Variants in SCAPER observed in about 807,000 individuals in gnomAD.
SCAPER encodes S phase cyclin A-associated protein in the endoplasmic reticulum.
Under a neutral mutation model 182.2 loss-of-function variants are expected in SCAPER, and 98 were observed. The ratio of observed to expected loss-of-function variants is 0.54; its 90% CI spans 0.46 to 0.64. The LOEUF (loss-of-function observed/expected upper bound fraction) is 0.64. Among genes scored for constraint, SCAPER ranks in the 30% least tolerant of loss-of-function variants. The probability of loss-of-function intolerance (pLI) is 0.00; values close to 1 mark genes in which losing one functional copy is unlikely to be tolerated. For synonymous variants in SCAPER, 605 were observed against 564.6 expected, an observed-to-expected ratio of 1.07 and a Z score of -1.01; for missense variants, 1,432 against 1,690.0, an observed-to-expected ratio of 0.85 and a Z score of 2.68.
chr15:76,528,016 TC>T (rs1176896242), intron 23 of SCAPER, among the ~76,000 whole-genome samples: 25 of 152,204 alleles, frequency 1.6e-4, no homozygotes, highest in African/African-American at 5.3e-4. Context: ...GAGGCTCTTC[TC>T]TTTTTGCCTT....
In SCAPER at chr15:76,471,260, A is replaced by C. The variant is rs1223599009; in HGVS notation, c.3030T>G (p.Phe1010Leu). The change falls in exon 25 of 32, where the codon TTT (phenylalanine) becomes TTG (leucine). Residue 1010 changes from phenylalanine (F) to leucine (L), a missense_variant. This residue lies in a region of SCAPER where 718 missense variants were observed against 799.7 expected (regional missense o/e 0.90). Transcript: ENST00000563290. The stretch of plus-strand genomic sequence containing the variant: ...CCATTAAGAAGGTAATCTTGTTACT[A>C]AACAGAACATCACTGCAGTTTTCTG... ...NCSENCSDVL[F>L]SNKITFLMDL... 6.2e-7 allele frequency: 1 copy of C among 1,612,720 alleles called. No homozygotes were observed. Among genetic ancestry groups the C allele is most frequent in the Non-Finnish European group, 8.5e-7 (1 of 1,179,200 alleles).
intron 14 of SCAPER, among the ~76,000 whole-genome samples, chr15:76,763,591 A>G (rs920602987): frequency 6.6e-6 from 1 of 151,700 alleles, no homozygotes; most frequent in East Asian, 1.9e-4. Context: ...TTCAATCCCT[A>G]TAATGCATAT....
chr15:76,884,777 T>C (rs1335747191), intron 1 of SCAPER, among the ~76,000 whole-genome samples: 2 of 152,076 alleles, frequency 1.3e-5, no homozygotes, highest in Admixed American at 6.5e-5. Flanking sequence ...TATCAACTGA[T>C]GAATGGATAA....
chr15:76,800,329 G>A lies in SCAPER; in HGVS notation c.530C>T (p.Ser177Phe). Residue 177 changes from serine to phenylalanine, a missense_variant, in exon 7 of 32, where the codon TCT (serine) becomes TTT (phenylalanine). Ser to Phe is a radical substitution (Grantham distance 155). Around this residue, in one of 5 missense-constraint regions of SCAPER, gnomAD observed 480 missense variants for 510.2 expected, o/e 0.94. Coordinates refer to ENST00000563290, the MANE Select transcript of SCAPER (RefSeq NM_020843.4). ...ACTTGGAATCACATGGCGTCCCGGA[G>A]ACATCTTCTTTACTTCCCATGCCAA... ...TSLAWEVKKM[S>F]PGRHVIPSPS... 6.2e-7 allele frequency: 1 copy of A among 1,612,986 alleles called. No homozygotes were observed. Among genetic ancestry groups the A allele is most frequent in the South Asian group, 1.1e-5 (1 of 90,978 alleles).
At chr15:76,829,678 A>ATATGAC (rs2151704527) in intron 5 of SCAPER, among the ~76,000 whole-genome samples, 1 of 152,298 alleles carries the variant, frequency 6.6e-6, no homozygotes, top group African/African-American at 2.4e-5. Flanking sequence ...CCTTTTTAGC[A>ATATGAC]TATGACTGGC....
chr15:76,759,974 A>G (rs372691536), intron 14 of SCAPER, among the ~76,000 whole-genome samples: 1 of 152,156 alleles, frequency 6.6e-6, no homozygotes, highest in East Asian at 1.9e-4. Flanking sequence ...CTGGCCTCAT[A>G]ATACAAGTTT....
rs557515609 is a variant in SCAPER at position 76,720,263 on chromosome 15, A to C, written c.2165+8332T>G. Among the ~76,000 whole-genome samples, 4 of 152,090 alleles carry C rather than the reference A, an allele frequency of 2.6e-5. 1 individual carries two copies. The highest frequency in any genetic ancestry group is 4.2e-4 in the South Asian group (2 of 4,804). Reference sequence around the variant, plus strand: ...TCCCTACAAAGGACATGAACTCATCATTTTTTATGGCTGCATAGTATTCCA... The same window carrying C: ...TCCCTACAAAGGACATGAACTCATCCTTTTTTATGGCTGCATAGTATTCCA... On this transcript the variant is annotated intron_variant, in intron 17 of 31. Transcript: ENST00000563290.
chr15:76,401,337 C>T (rs2044440989), intron 27 of SCAPER, among the ~76,000 whole-genome samples: 1 of 152,094 alleles, frequency 6.6e-6, no homozygotes, highest in African/African-American at 2.4e-5. Context: ...TCATGAAACC[C>T]TATGCCATCT....
At chr15:76,496,227 CTT>C (rs35760422) in intron 24 of SCAPER, among the ~76,000 whole-genome samples, 4 of 149,396 alleles carry the variant, frequency 2.7e-5, no homozygotes, top group Non-Finnish European at 5.9e-5. Context: ...CATTAACAAC[CTT>C]TTTTTTTTTA....
chr15:76,635,225 C>T (rs2053488557), intron 21 of SCAPER, among the ~76,000 whole-genome samples: 1 of 152,112 alleles, frequency 6.6e-6, no homozygotes, highest in South Asian at 2.1e-4. Context: ...CAAGCCATAA[C>T]CAATCCTAGA....
intron 22 of SCAPER, among the ~76,000 whole-genome samples, chr15:76,615,903 A>G (rs2051441680): frequency 6.6e-6 from 1 of 152,142 alleles, no homozygotes. Context: ...GGTAAATGCA[A>G]TCCGAAACTA....
chr15:76,734,359 T>C (rs1342185282), intron 15 of SCAPER, among the ~76,000 whole-genome samples: 1 of 152,090 alleles, frequency 6.6e-6, no homozygotes, highest in Admixed American at 6.5e-5. Context: ...TAGAGTGAAG[T>C]AGGGAAGTGA....
chr15:76,413,639 T>G (rs1231930390), intron 26 of SCAPER, among the ~76,000 whole-genome samples: 1 of 152,196 alleles, frequency 6.6e-6, no homozygotes, highest in African/African-American at 2.4e-5. Context: ...CTGTCCAGTA[T>G]AGTAAAGATA....
intron 12 of SCAPER, 53 bp from the exon 13 acceptor site, chr15:76,765,507 T>A: frequency 6.2e-7 from 1 of 1,609,174 alleles, no homozygotes; most frequent in Non-Finnish European, 8.5e-7. Flanking sequence ...TATAAAACAT[T>A]TGAGAACAAA....
intron 24 of SCAPER, chr15:76,472,141 C>A: frequency 6.1e-6 from 2 of 325,544 alleles, no homozygotes; most frequent in Admixed American, 9.7e-5. Flanking sequence ...GGCAATAGAG[C>A]CAAGGTGAAG....
intron 23 of SCAPER, among the ~76,000 whole-genome samples, chr15:76,539,979 T>C (rs778398912): frequency 6.6e-6 from 1 of 152,158 alleles, no homozygotes; most frequent in Non-Finnish European, 1.5e-5. Context: ...CAAACAAATG[T>C]CAATCAATAG....
intron 18 of SCAPER, among the ~76,000 whole-genome samples, chr15:76,705,031 C>T (rs1466091196): frequency 3.3e-5 from 5 of 152,132 alleles, no homozygotes; most frequent in African/African-American, 1.2e-4. Context: ...TTTGACCCAG[C>T]CATCCCATTA....
chr15:76,699,390 G>A (rs2058812588), intron 20 of SCAPER, among the ~76,000 whole-genome samples: 1 of 152,136 alleles, frequency 6.6e-6, no homozygotes, highest in Admixed American at 6.5e-5. Flanking sequence ...TATGATGTTG[G>A]CTGTGGGGTT....
At chr15:76,424,601 C>T (rs987238160) in intron 26 of SCAPER, among the ~76,000 whole-genome samples, 7 of 152,162 alleles carry the variant, frequency 4.6e-5, no homozygotes. Flanking sequence ...TTAATTGGAG[C>T]ATTTAGCCCG....
Sources: gnomAD v4.1 joint callset for allele counts (sites outside exome capture counted in the v4.1 genomes callset) on GRCh38, gnomAD v4.1.1 for gene constraint, gnomAD v4.1.1 regional missense constraint, MANE v1.5 for transcripts, NCBI Gene and HGNC (gene_info 2026-07-23, HGNC 2026-07-21) for gene names.